The following USP4 variants were observed in gnomAD, a reference collection of about 807,000 sequenced individuals.
USP4 encodes ubiquitin carboxyl-terminal hydrolase 4.
USP4 carries 72 observed loss-of-function variants against 118.2 expected under a neutral mutation model. That is an observed-to-expected ratio of 0.61 (90% CI 0.50 to 0.74). The LOEUF (loss-of-function observed/expected upper bound fraction) is 0.74. Ranked by LOEUF, USP4 falls within the 30% of genes least tolerant of loss-of-function variation. USP4 has a pLI of 0.00. For synonymous variants in USP4, 415 were observed against 440.4 expected, an observed-to-expected ratio of 0.94 and a Z score of 0.72; for missense variants, 1,037 against 1,185.7, an observed-to-expected ratio of 0.87 and a Z score of 1.84.
rs1387364757 is a variant in USP4 at position 49,284,989 on chromosome 3, G to A, written c.2201-70C>T. 2.4e-6 allele frequency: 3 copies of A among 1,262,654 alleles called. No homozygotes were observed. In the African/African-American group the frequency reaches 4.4e-5, roughly 19 times the overall value. 78.2% of individuals were successfully genotyped at this position (1,262,654 alleles called of 1,614,324 possible). ...AGGAAAGGCTCTCCAAGTGACAGGA[G>A]TGAGAAGGACCACACTCAGGCCACA... is the stretch of plus-strand genomic sequence containing the variant. On this transcript the variant is annotated intron_variant, in intron 16 of 21. Coordinates refer to ENST00000265560, the MANE Select transcript of USP4 (RefSeq NM_003363.4).
At position 49,277,292 on chromosome 3, in the gene USP4, A is replaced by T; in HGVS notation, c.*1001T>A. On this transcript the variant is annotated 3_prime_UTR_variant, in exon 22 of 22. Transcript: ENST00000265560. Reference sequence around the variant, plus strand: ...TTGAAGGTCAGACAAAAAATCCCGGACCCATACGTCCGGTTCCTTAAGGCC... The same window carrying T: ...TTGAAGGTCAGACAAAAAATCCCGGTCCCATACGTCCGGTTCCTTAAGGCC... 1 of 1,245,482 alleles carries T rather than the reference A, an allele frequency of 8.0e-7. No individual in the cohort carries two copies. The highest frequency in any genetic ancestry group is 1.1e-6 in the Non-Finnish European group (1 of 950,712). 77.2% of individuals were successfully genotyped at this position (1,245,482 alleles called of 1,614,324 possible). A position where few individuals can be genotyped will look rare whatever the true frequency, so the allele number is the denominator to read the frequency against.
chr3:49,298,664 G>A (rs1177613553), intron 11 of USP4, 29 bp from the exon 12 acceptor site: 1 of 1,608,174 alleles, frequency 6.2e-7, no homozygotes, highest in African/African-American at 1.3e-5. Flanking sequence ...CAAGGTCACA[G>A]GGGTGCCCCA....
chr3:49,298,327 C>T (rs144112277), intron 12 of USP4, among the ~76,000 whole-genome samples: 84 of 152,274 alleles, frequency 5.5e-4, no homozygotes, highest in Non-Finnish European at 7.6e-4. Flanking sequence ...CCTTTGACCA[C>T]GGCTAGTGTG....
chr3:49,323,040 T>C (rs2047518444), intron 6 of USP4, among the ~76,000 whole-genome samples: 1 of 151,002 alleles, frequency 6.6e-6, no homozygotes, highest in African/African-American at 2.4e-5. Context: ...CAATCTCAGT[T>C]CCCTGCAACC....
At chr3:49,317,217 G>A (rs1324157590) in intron 6 of USP4, 15 of 1,514,988 alleles carry the variant, frequency 9.9e-6, no homozygotes, top group South Asian at 1.1e-5. Context: ...CCGTCTCCGC[G>A]ATGGTCTGGT....
chr3:49,300,333 G>A (rs2047251761), intron 11 of USP4, 134 bp downstream of exon 11: 1 of 700,226 alleles, frequency 1.4e-6, no homozygotes, highest in African/African-American at 1.8e-5. Flanking sequence ...AAGGTCTGAT[G>A]GAGGCCAAGG....
At chr3:49,317,615 C>CCA (rs2047454631) in intron 6 of USP4, 3 of 581,490 alleles carry the variant, frequency 5.2e-6, no homozygotes, top group Non-Finnish European at 3.0e-6. Flanking sequence ...GATATCGGCT[C>CCA]ACTGCATGCT....
At chr3:49,297,651 G>A (rs2107777070) in intron 13 of USP4, among the ~76,000 whole-genome samples, 1 of 152,292 alleles carries the variant, frequency 6.6e-6, no homozygotes, top group South Asian at 2.1e-4. Context: ...TGGCTGTGCT[G>A]AGGAGAGTTA....
At chr3:49,303,878 G>A (rs1228031877) in intron 9 of USP4, among the ~76,000 whole-genome samples, 3 of 151,950 alleles carry the variant, frequency 2.0e-5, no homozygotes, top group Non-Finnish European at 4.4e-5. Flanking sequence ...TTGGCCTCCC[G>A]AGTTGCTGGG....
chr3:49,305,762 G>C lies in USP4; in HGVS notation c.1081C>G (p.Gln361Glu), dbSNP rs1045387824. 1.5e-5 allele frequency: 25 copies of C among 1,613,268 alleles called. No homozygotes were observed. Among genetic ancestry groups the C allele is most frequent in the Non-Finnish European group, 1.9e-5 (23 of 1,179,758 alleles). The change falls in exon 9 of 22, where the codon CAG becomes GAG. Residue 361 changes from glutamine to glutamate, a missense_variant. Coordinates refer to ENST00000265560, the MANE Select transcript of USP4 (RefSeq NM_003363.4). ...IAEAYAELIK[Q>E]MWSGRDAHVA... ...TGGGCGTCCCTTCCAGACCACATCTGCTTAATGAGTTCAGCATAGGCTTCT... is the reference window on the plus strand; with the variant it reads ...TGGGCGTCCCTTCCAGACCACATCTCCTTAATGAGTTCAGCATAGGCTTCT...
chr3:49,304,920 C>T (rs1485060270), intron 9 of USP4, among the ~76,000 whole-genome samples: 3 of 151,942 alleles, frequency 2.0e-5, no homozygotes, highest in African/African-American at 4.8e-5. Context: ...CGCACCACCA[C>T]GCCTGGCTAA....
At position 49,302,522 on chromosome 3, in the gene USP4, A is replaced by G. The variant is rs369294658; in HGVS notation, c.1149T>C (p.Ala383=). 1.2e-6 allele frequency: 2 copies of G among 1,614,100 alleles called. No homozygotes were observed. Among genetic ancestry groups the G allele is most frequent in the Non-Finnish European group, 8.5e-7 (1 of 1,179,998 alleles). The change falls in exon 10 of 22, where the codon GCT becomes GCC. Residue 383 remains alanine, a synonymous_variant. Coordinates refer to ENST00000265560, the MANE Select transcript of USP4 (RefSeq NM_003363.4). ...RMFKTQVGRF[A]PQFSGYQQQD... ...GTTGCTGGTAGCCAGAAAATTGAGG[A>G]GCAAAACGTCCTACTTGAGTCTACA...
At chr3:49,312,670 T>G in intron 6 of USP4, 1 of 340,950 alleles carries the variant, frequency 2.9e-6, no homozygotes, top group South Asian at 2.2e-5. Context: ...CATGTGCCTG[T>G]AGTCCCAGCT....
intron 2 of USP4, among the ~76,000 whole-genome samples, chr3:49,331,341 C>T (rs1051818610): frequency 6.7e-6 from 1 of 148,680 alleles, no homozygotes; most frequent in Non-Finnish European, 1.5e-5. Context: ...AATCGGTAAA[C>T]TTGTTGTGGT....
chr3:49,285,564 G>T (rs1204243752), intron 16 of USP4, among the ~76,000 whole-genome samples: 1 of 152,058 alleles, frequency 6.6e-6, no homozygotes, highest in African/African-American at 2.4e-5. Context: ...GAAGGGAGCT[G>T]AAAGACAGAG....
intron 1 of USP4, among the ~76,000 whole-genome samples, chr3:49,338,031 C>T (rs1009172277): frequency 9.4e-5 from 10 of 105,910 alleles, no homozygotes; most frequent in Non-Finnish European, 1.2e-4. Flanking sequence ...GGTGATGCAG[C>T]GAGACTTCGT....
At chr3:49,300,407 C>T in intron 11 of USP4, 60 bp downstream of exon 11, 1 of 1,501,096 alleles carries the variant, frequency 6.7e-7, no homozygotes, top group Non-Finnish European at 9.3e-7. Context: ...AGGAGCAGTC[C>T]CACTGGGATC....
intron 20 of USP4, 112 bp downstream of exon 20, chr3:49,280,632 A>G (rs1056686783): frequency 2.7e-6 from 2 of 745,644 alleles, no homozygotes; most frequent in Non-Finnish European, 4.5e-6. Flanking sequence ...TGCAGCATGA[A>G]GCCTGTGAAA....
At chr3:49,330,439 C>T (rs758710671) in intron 2 of USP4, among the ~76,000 whole-genome samples, 68 of 151,744 alleles carry the variant, frequency 4.5e-4, no homozygotes, top group Non-Finnish European at 8.1e-4. Flanking sequence ...GCTATTCTCC[C>T]GCCTCAGCCT....
Sources: gnomAD v4.1 joint callset for allele counts (sites outside exome capture counted in the v4.1 genomes callset) on GRCh38, gnomAD v4.1.1 for gene constraint, MANE v1.5 for transcripts, NCBI Gene and HGNC (gene_info 2026-07-23, HGNC 2026-07-21) for gene names.